Variants in SCHIP1 observed in about 807,000 individuals in gnomAD.
SCHIP1 encodes schwannomin interacting protein 1, also known as schwannomin-interacting protein 1.
Under a neutral mutation model 29.7 loss-of-function variants are expected in SCHIP1, and 8 were observed. That is an observed-to-expected ratio of 0.27 (90% CI 0.16 to 0.49). SCHIP1 has a LOEUF of 0.49. Among genes scored for constraint, SCHIP1 ranks in the 20% least tolerant of loss-of-function variants. The probability of loss-of-function intolerance (pLI) is 0.99; values close to 1 mark genes in which losing one functional copy is unlikely to be tolerated. For missense variants in SCHIP1, 193 were observed against 294.6 expected (o/e 0.66, Z 2.52); for synonymous variants, 76 against 94.9 (o/e 0.80, Z 1.16).
At chr3:159,449,128 G>A in the SCHIP1 span, among the ~76,000 whole-genome samples, 1 of 152,184 alleles carries the variant, frequency 6.6e-6, no homozygotes, top group Non-Finnish European at 1.5e-5. Context: ...GTGCTGGCAT[G>A]GCCTTACCTG....
chr3:159,647,529 T>C, the SCHIP1 span, among the ~76,000 whole-genome samples: 1 of 152,158 alleles, frequency 6.6e-6, no homozygotes, highest in Non-Finnish European at 1.5e-5. Flanking sequence ...AAGCTTCATA[T>C]GGAGAAGCAA....
At chr3:159,524,326 C>G in the SCHIP1 span, among the ~76,000 whole-genome samples, 5 of 152,212 alleles carry the variant, frequency 3.3e-5, no homozygotes, top group African/African-American at 4.8e-5. Context: ...CTTGGTCTAT[C>G]CTAGAACTGT....
At chr3:159,543,266 A>G in the SCHIP1 span, among the ~76,000 whole-genome samples, 1 of 150,928 alleles carries the variant, frequency 6.6e-6, no homozygotes, top group Non-Finnish European at 1.5e-5. Flanking sequence ...TGTGCAAGTT[A>G]GTTACATATG....
the SCHIP1 span, among the ~76,000 whole-genome samples, chr3:159,343,359 C>T: frequency 1.3e-5 from 2 of 152,200 alleles, no homozygotes; most frequent in Non-Finnish European, 2.9e-5. Context: ...TCATAAAACA[C>T]TCCAAACTCA....
the SCHIP1 span, among the ~76,000 whole-genome samples, chr3:159,582,161 GT>G: frequency 4.0e-5 from 6 of 151,720 alleles, no homozygotes; most frequent in South Asian, 1.3e-3. Context: ...TTGTTGTTGG[GT>G]TTTTTTGTTT....
the SCHIP1 span, among the ~76,000 whole-genome samples, chr3:159,481,814 G>A: frequency 5.3e-5 from 8 of 152,252 alleles, no homozygotes; most frequent in Admixed American, 4.6e-4. Flanking sequence ...TTTGTATCAT[G>A]GAAAAAGAGA....
chr3:159,317,831 G>T, the SCHIP1 span, among the ~76,000 whole-genome samples: 45,962 of 152,040 alleles, frequency 0.3, 8,277 homozygotes, highest in Non-Finnish European at 0.41. Context: ...AGCATTATGT[G>T]CAGGATAGGC....
chr3:159,381,656 C>T, the SCHIP1 span, among the ~76,000 whole-genome samples: 1 of 151,884 alleles, frequency 6.6e-6, no homozygotes, highest in African/African-American at 2.4e-5. Flanking sequence ...AGTGCAGTGG[C>T]ATGATCTTGG....
the SCHIP1 span, among the ~76,000 whole-genome samples, chr3:159,567,119 A>T: frequency 2.0e-5 from 3 of 152,262 alleles, no homozygotes; most frequent in African/African-American, 7.2e-5. Context: ...GAGTTTAAAG[A>T]TCTTTTCATC....
chr3:159,621,118 A>C, the SCHIP1 span, among the ~76,000 whole-genome samples: 1 of 152,166 alleles, frequency 6.6e-6, no homozygotes, highest in Non-Finnish European at 1.5e-5. Flanking sequence ...GATGAGAAAC[A>C]CTGTTGATGT....
the SCHIP1 span, among the ~76,000 whole-genome samples, chr3:159,415,821 G>A: frequency 6.6e-6 from 1 of 152,120 alleles, no homozygotes; most frequent in Non-Finnish European, 1.5e-5. Flanking sequence ...CTAGTACAGT[G>A]CCTGGCACAT....
the SCHIP1 span, among the ~76,000 whole-genome samples, chr3:159,816,909 T>G: frequency 2.0e-5 from 3 of 152,180 alleles, no homozygotes; most frequent in African/African-American, 7.2e-5. Flanking sequence ...AACGCAGAGC[T>G]CAGACATCAC....
the SCHIP1 span, among the ~76,000 whole-genome samples, chr3:159,826,312 G>A: frequency 6.6e-6 from 1 of 152,092 alleles, no homozygotes; most frequent in Non-Finnish European, 1.5e-5. Flanking sequence ...CTGAAATTAG[G>A]GTCAAAGTTC....
the SCHIP1 span, chr3:159,309,146 T>TAA: frequency 0.014 from 2,923 of 211,416 alleles, 62 homozygotes; most frequent in African/African-American, 0.057. Flanking sequence ...AAGTTAAAAT[T>TAA]AAAAAAAAAC....
chr3:159,814,030 C>T, the SCHIP1 span, among the ~76,000 whole-genome samples: 7 of 152,192 alleles, frequency 4.6e-5, no homozygotes, highest in Non-Finnish European at 8.8e-5. Flanking sequence ...TCCCTCCACC[C>T]GCTTCCAGGA....
At chr3:159,434,021 G>A in the SCHIP1 span, among the ~76,000 whole-genome samples, 8 of 152,092 alleles carry the variant, frequency 5.3e-5, no homozygotes, top group East Asian at 1.2e-3. Context: ...TCCTCCACTT[G>A]AACTGCAATT....
the SCHIP1 span, among the ~76,000 whole-genome samples, chr3:159,521,506 G>T: frequency 9.8e-5 from 15 of 152,324 alleles, no homozygotes; most frequent in African/African-American, 3.6e-4. Context: ...AGCTGAGAGG[G>T]GTTGCCCCTT....
the SCHIP1 span, among the ~76,000 whole-genome samples, chr3:159,511,519 C>T: frequency 2.0e-5 from 3 of 152,318 alleles, no homozygotes; most frequent in Admixed American, 1.3e-4. Flanking sequence ...AACTCGGTAC[C>T]TCAGCTGGAA....
chr3:159,530,779 G>A, the SCHIP1 span, among the ~76,000 whole-genome samples: 1 of 152,184 alleles, frequency 6.6e-6, no homozygotes, highest in Non-Finnish European at 1.5e-5. Context: ...CTGACAAGGA[G>A]GCCTTATTGT....
Sources: allele counts gnomAD v4.1 joint callset (sites outside exome capture counted in the v4.1 genomes callset), GRCh38; gene constraint gnomAD v4.1.1; transcripts MANE v1.5; gene names NCBI Gene and HGNC (gene_info 2026-07-23, HGNC 2026-07-21).